GPN1: variants seen among roughly 807,000 people sequenced by gnomAD.
GPN1 encodes the protein GPN-loop GTPase 1.
A neutral mutation model predicts 55.9 loss-of-function variants in GPN1; 44 were observed. The observed-to-expected ratio is 0.79, with a 90% CI of 0.62 to 1.01. GPN1 has a LOEUF of 1.01. Ranked by LOEUF, GPN1 falls within the 50% of genes least tolerant of loss-of-function variation. The probability of loss-of-function intolerance (pLI) is 0.00; values close to 1 mark genes in which losing one functional copy is unlikely to be tolerated. For synonymous variants in GPN1, 179 were observed against 162.5 expected (o/e 1.10, Z -0.77); for missense variants, 466 against 462.8 (o/e 1.01, Z -0.06).
chr2:27,629,810 T>C (rs1442761908), intron 1 of GPN1, 49 bp from the exon 2 acceptor site: 3 of 988,320 alleles, frequency 3.0e-6, no homozygotes, highest in East Asian at 4.7e-5. Context: ...GGAAGTTCTC[T>C]CTTGTCCCCT....
chr2:27,639,005 T>C lies in GPN1; in HGVS notation c.691T>C (p.Leu231=). The C allele has an allele frequency of 1.2e-6, 2 of 1,612,552 alleles. No individual in the cohort carries two copies. Among genetic ancestry groups the C allele is most frequent in the Non-Finnish European group, 1.7e-6 (2 of 1,179,190 alleles). Residue 231 remains leucine, a synonymous_variant, in exon 9 of 14, where the codon TTA becomes CTA. Coordinates refer to ENST00000610189, the MANE Select transcript of GPN1 (RefSeq NM_007266.4). ...CCTGACTCGTTCAATGAGCCTGGTG[T>C]TAGATGAGTTTTACAGCTCACTCAG... is the stretch of plus-strand genomic sequence containing the variant. ...SNLTRSMSLV[L]DEFYSSLRVV...
rs766968025 is a variant in GPN1, at chr2:27,642,517, A to C, written c.929A>C (p.Lys310Thr). 1 of 1,587,568 alleles carries C rather than the reference A, an allele frequency of 6.3e-7. No homozygotes were observed. Among genetic ancestry groups the C allele is most frequent in the Non-Finnish European group, 8.7e-7 (1 of 1,155,898 alleles). The change falls in exon 12 of 14, where the codon AAA (lysine) becomes ACA (threonine). Residue 310 changes from lysine (K) to threonine (T), a missense_variant and splice_region_variant. By Grantham distance (78) the Lys-to-Thr change is moderately conservative. Transcript: ENST00000610189. ...GSVALDAGTA[K>T]DSLSPVLHPS... ...GTAGCCTTGGATGCAGGGACTGCCAAAGGTATTGGAGGGTTTCTTGGTGTT... is the reference window on the plus strand; with the variant it reads ...GTAGCCTTGGATGCAGGGACTGCCACAGGTATTGGAGGGTTTCTTGGTGTT...
At chr2:27,646,669 G>T (rs1000691367) in intron 12 of GPN1, among the ~76,000 whole-genome samples, 3 of 151,638 alleles carry the variant, frequency 2.0e-5, no homozygotes, top group Non-Finnish European at 4.4e-5. Context: ...GTACTTAAAA[G>T]AAAAGCTCCA....
In GPN1 at chr2:27,629,921, A is replaced by G; in HGVS notation, c.174A>G (p.Ala58=). The change falls in exon 2 of 14, where the codon GCA becomes GCG. Residue 58 remains alanine, a synonymous_variant. Transcript: ENST00000610189. ...TPPYVINLDP[A]VHEVPFPANI... Reference sequence around the variant, plus strand: ...CGTATGTGATCAACCTGGATCCAGCAGTACATGAAGTTCCCTTTCCTGCCA... The same window carrying G: ...CGTATGTGATCAACCTGGATCCAGCGGTACATGAAGTTCCCTTTCCTGCCA... 1 of 1,605,534 alleles carries G rather than the reference A, an allele frequency of 6.2e-7. No individual in the cohort carries two copies. Among genetic ancestry groups the G allele is most frequent in the Non-Finnish European group, 8.5e-7 (1 of 1,172,090 alleles).
intron 12 of GPN1, among the ~76,000 whole-genome samples, chr2:27,644,073 G>A (rs763597829): frequency 2.0e-5 from 3 of 152,062 alleles, no homozygotes; most frequent in Non-Finnish European, 4.4e-5. Flanking sequence ...CCAGCTACTC[G>A]CTGAGGCTGG....
At chr2:27,648,093 G>C (rs1257528428) in intron 13 of GPN1, 150 bp downstream of exon 13, 1 of 618,692 alleles carries the variant, frequency 1.6e-6, no homozygotes, top group Non-Finnish European at 2.9e-6. Flanking sequence ...GAGAGTTCCT[G>C]TCCTGCCTAC....
rs528689209 is a variant in GPN1, at chr2:27,648,011, G to T, written c.1039+68G>T. 8 of 889,254 alleles carry T rather than the reference G, an allele frequency of 9.0e-6. No individual in the cohort carries two copies. In the African/African-American group the frequency reaches 9.8e-5, roughly 11 times the overall value. The allele number at this position is 889,254 out of a possible 1,614,324, so 55.1% of individuals were successfully genotyped here. A position where few individuals can be genotyped will look rare whatever the true frequency, so the allele number is the denominator to read the frequency against. On this transcript the variant is annotated intron_variant, in intron 13 of 13. Transcript: ENST00000610189. The stretch of plus-strand genomic sequence containing the variant: ...TTATCCTCACATTGTTTGCCCAGGA[G>T]TTTCTTGCTTTAAGCGTGTAGCCAG...
At chr2:27,633,313 T>G (rs796469573) in intron 5 of GPN1, among the ~76,000 whole-genome samples, 3 of 151,610 alleles carry the variant, frequency 2.0e-5, no homozygotes, top group East Asian at 3.9e-4. Flanking sequence ...AGGTAGCTTT[T>G]GTTTTGTTTT....
At chr2:27,646,164 C>T (rs1280511258) in intron 12 of GPN1, among the ~76,000 whole-genome samples, 3 of 152,210 alleles carry the variant, frequency 2.0e-5, no homozygotes, top group Non-Finnish European at 4.4e-5. Flanking sequence ...GCCTCAGCCT[C>T]CTGTGTAGCT....
Position 27,642,431 on chromosome 2 carries a change from C to A in GPN1, c.843C>A (p.Ala281=), listed in dbSNP as rs773075366. ...GACATTTTTCTCTGTATATACAGGC[C>A]AACGCAGAGAGCCAACAGCAGAGAG... ...PEYERLKKSL[A]NAESQQQREQ... The change falls in exon 12 of 14, where the codon GCC becomes GCA. Residue 281 remains alanine (A), a splice_region_variant and synonymous_variant. Coordinates refer to ENST00000610189, the MANE Select transcript of GPN1 (RefSeq NM_007266.4). 1 of 1,606,008 alleles carries A rather than the reference C, an allele frequency of 6.2e-7. No homozygotes were observed.
intron 8 of GPN1, 24 bp from the exon 9 acceptor site, chr2:27,638,861 A>C (rs375273469): frequency 6.3e-7 from 1 of 1,580,334 alleles, no homozygotes; most frequent in African/African-American, 1.4e-5. Context: ...CTGGTTGCTC[A>C]TAATTGACTT....
chr2:27,641,312 G>T, intron 11 of GPN1, 33 bp downstream of exon 11: 1 of 1,525,734 alleles, frequency 6.6e-7, no homozygotes, highest in Non-Finnish European at 9.1e-7. Context: ...TATTTTAAAA[G>T]GGCCATTAAA....
chr2:27,638,816 C>G (rs1420627216), intron 8 of GPN1, 69 bp from the exon 9 acceptor site: 42 of 1,322,184 alleles, frequency 3.2e-5, no homozygotes, highest in African/African-American at 4.5e-5. Flanking sequence ...GCTGTCAACA[C>G]TTAATTAAAA....
chr2:27,651,438 C>T lies in GPN1; in HGVS notation c.*1238C>T, dbSNP rs1019735522. The T allele has an allele frequency of 6.6e-6, 1 of 152,360 alleles. No homozygotes were observed. Among genetic ancestry groups the T allele is most frequent in the African/African-American group, 2.4e-5 (1 of 41,442 alleles). The allele number at this position is 152,360 out of a possible 1,614,324, so 9.4% of individuals were successfully genotyped here. On this transcript the variant is annotated 3_prime_UTR_variant, in exon 14 of 14. Transcript: ENST00000610189. ...CACATCATTTGCCTTCTCATATTTCCCTCGTCTTGACCATCTGGTGCCTGT... is the reference window on the plus strand; with the variant it reads ...CACATCATTTGCCTTCTCATATTTCTCTCGTCTTGACCATCTGGTGCCTGT...
In GPN1 at chr2:27,644,638, G is replaced by A. The variant is rs940420789; in HGVS notation, c.931+2119G>A. ...GGCTATAGTATAAGGTATATAAGTCGGTGTTATTTTTTTCATAAATAGTTG... is the reference window on the plus strand; with the variant it reads ...GGCTATAGTATAAGGTATATAAGTCAGTGTTATTTTTTTCATAAATAGTTG... On this transcript the variant is annotated intron_variant, in intron 12 of 13. Coordinates refer to ENST00000610189, the MANE Select transcript of GPN1 (RefSeq NM_007266.4). Among the ~76,000 whole-genome samples, 3 of 149,334 alleles carry A rather than the reference G, an allele frequency of 2.0e-5. No individual in the cohort carries two copies. The South Asian group carries it at 6.3e-4, about 31-fold the overall frequency.
chr2:27,635,116 G>T, intron 6 of GPN1, 24 bp from the exon 7 acceptor site: 1 of 1,391,226 alleles, frequency 7.2e-7, no homozygotes, highest in Non-Finnish European at 1.0e-6. Flanking sequence ...TCTGACCAAG[G>T]CTTTGATTTT....
intron 12 of GPN1, among the ~76,000 whole-genome samples, chr2:27,642,958 T>TATATACACAC (rs10643705): frequency 3.4e-4 from 42 of 122,656 alleles, no homozygotes; most frequent in South Asian, 1.4e-3. Flanking sequence ...TATATATATA[T>TATATACACAC]ACACACACAC....
rs1361306777 is a variant in GPN1 at position 27,631,086 on chromosome 2, TTGGTCTTGACTCATTCC to T, written c.245+24_245+40del. 1 of 1,313,744 alleles carries T rather than the reference TTGGTCTTGACTCATTCC, an allele frequency of 7.6e-7. No individual in the cohort carries two copies. Among genetic ancestry groups the T allele is most frequent in the Non-Finnish European group, 1.1e-6 (1 of 908,286 alleles). 81.4% of individuals were successfully genotyped at this position (1,313,744 alleles called of 1,614,324 possible). ...GAAACAGTATCCTTTTCCATCTACT[TTGGTCTTGACTCATTCC>T]TGGCTTCTTGTCTGTGTATTTTGTG... On this transcript the variant is annotated intron_variant, in intron 3 of 13. Coordinates refer to ENST00000610189, the MANE Select transcript of GPN1 (RefSeq NM_007266.4).
intron 10 of GPN1, among the ~76,000 whole-genome samples, chr2:27,640,474 G>A (rs1673896455): frequency 6.6e-6 from 1 of 152,212 alleles, no homozygotes; most frequent in Non-Finnish European, 1.5e-5. Context: ...CAGACAATTT[G>A]TAAATTAATG....
Sources: gnomAD v4.1 joint callset for allele counts (sites outside exome capture counted in the v4.1 genomes callset) on GRCh38, gnomAD v4.1.1 for gene constraint, MANE v1.5 for transcripts, NCBI Gene and HGNC (gene_info 2026-07-23, HGNC 2026-07-21) for gene names.